Variants in TICRR observed in about 807,000 individuals in gnomAD.
The protein encoded by TICRR is treslin.
TICRR carries 132 observed loss-of-function variants against 178.1 expected under a neutral mutation model. The observed-to-expected ratio is 0.74, with a 90% CI of 0.64 to 0.86. The LOEUF (loss-of-function observed/expected upper bound fraction) is 0.86, where lower values mean the gene tolerates loss of function less well. Ranked by LOEUF, TICRR falls within the 40% of genes least tolerant of loss-of-function variation. TICRR has a pLI of 0.00. For synonymous variants in TICRR, 991 were observed against 900.7 expected (o/e 1.10, Z -1.79); for missense variants, 2,587 against 2,334.3 (o/e 1.11, Z -2.23).
At chr15:89,601,200 G>T (rs1387549994) in intron 9 of TICRR, 98 bp from the exon 10 acceptor site, 6 of 991,308 alleles carry the variant, frequency 6.1e-6, no homozygotes, top group Admixed American at 2.6e-5. Flanking sequence ...CTCCTTTTTG[G>T]TTGTTGTGTC....
chr15:89,582,629 T>G, intron 1 of TICRR, 57 bp from the exon 2 acceptor site: 1 of 1,512,486 alleles, frequency 6.6e-7, no homozygotes, highest in Non-Finnish European at 9.0e-7. Context: ...TTCCTTTACT[T>G]TTATTTGTGA....
intron 2 of TICRR, 35 bp downstream of exon 2, chr15:89,583,000 T>A (rs760008909): frequency 1.8e-5 from 28 of 1,513,638 alleles, no homozygotes; most frequent in Middle Eastern, 1.9e-4. Context: ...TTTTTTTTTT[T>A]AAATCTCAGT....
intron 14 of TICRR, among the ~76,000 whole-genome samples, chr15:89,608,463 G>A (rs1418953774): frequency 2.0e-5 from 3 of 152,098 alleles, no homozygotes; most frequent in Admixed American, 2.0e-4. Flanking sequence ...ATTTATTATG[G>A]TCAACTGATA....
rs763247819 is a variant in TICRR, at chr15:89,619,805, T to C, written c.3117T>C (p.Ser1039=). ...CTGTGTCTCAGCCGAAGTCTCGAAG[T>C]GTGCAAAGAGTCCACTCTTTCCAGC... is the stretch of plus-strand genomic sequence containing the variant. The part of the protein sequence containing the change: ...FYSVSQPKSR[S]VQRVHSFQQD... Residue 1039 remains serine, a synonymous_variant, in exon 18 of 22, where the codon AGT becomes AGC. Coordinates refer to ENST00000268138, the MANE Select transcript of TICRR (RefSeq NM_152259.4). The C allele has an allele frequency of 2.5e-6, 4 of 1,613,738 alleles. No individual in the cohort carries two copies. The highest frequency in any genetic ancestry group is 3.4e-6 in the Non-Finnish European group (4 of 1,179,954).
At position 89,595,202 on chromosome 15, in the gene TICRR, G is replaced by A. The variant is rs74512036; in HGVS notation, c.1682-191G>A. On this transcript the variant is annotated intron_variant, in intron 6 of 21. Coordinates refer to ENST00000268138, the MANE Select transcript of TICRR (RefSeq NM_152259.4). The stretch of plus-strand genomic sequence containing the variant: ...TTGAGATGTTTAGTTCCTAAACTTC[G>A]GTTAAAAGAAAGGTTCTCTTTCTAC... 0.018 allele frequency among the ~76,000 whole-genome samples: 2,746 copies of A among 152,222 alleles called. 76 individuals are homozygous for A. Among genetic ancestry groups the A allele is most frequent in the African/African-American group, 0.059 (2,432 of 41,524 alleles).
chr15:89,602,533 T>C (rs2141966353), intron 12 of TICRR, among the ~76,000 whole-genome samples: 1 of 152,264 alleles, frequency 6.6e-6, no homozygotes, highest in African/African-American at 2.4e-5. Context: ...ACATGAGGTC[T>C]CCAGAAACTA....
At chr15:89,584,779 T>A (rs766004818) in intron 3 of TICRR, among the ~76,000 whole-genome samples, 11 of 152,226 alleles carry the variant, frequency 7.2e-5, no homozygotes, top group Non-Finnish European at 1.5e-5. Context: ...GTTGGCCAGA[T>A]GAAGTGCTTA....
At position 89,623,595 on chromosome 15, in the gene TICRR, G is replaced by A. The variant is rs8029606; in HGVS notation, c.3313-28G>A. The A allele has an allele frequency of 2.2e-4, 349 of 1,573,452 alleles. 4 individuals carry two copies. The African/African-American group carries it at 4.5e-3, about 20-fold the overall frequency. Reference sequence around the variant, plus strand: ...AGAGATCATGAGTTATAATATTCAAGGACTGAAATAAGCATTTCTCTTTTC... The same window carrying A: ...AGAGATCATGAGTTATAATATTCAAAGACTGAAATAAGCATTTCTCTTTTC... On this transcript the variant is annotated intron_variant, in intron 19 of 21. Coordinates refer to ENST00000268138, the MANE Select transcript of TICRR (RefSeq NM_152259.4).
chr15:89,625,188 C>A lies in TICRR; in HGVS notation c.4878C>A (p.Cys1626Ter). ...AACCCACCTATGTGTCACCCCCCTG[C>A]CCCCGCCTCTCCCACAGCACACCTG... ...KPEPTYVSPP[C>*]PRLSHSTPGK... The change falls in exon 20 of 22, where the codon TGC (cysteine) becomes TGA (stop). Residue 1626 changes from cysteine (C) to a stop codon, truncating the protein, a stop_gained. Coordinates refer to ENST00000268138, the MANE Select transcript of TICRR (RefSeq NM_152259.4). LOFTEE classifies it high-confidence loss of function. 6.2e-7 allele frequency: 1 copy of A among 1,613,718 alleles called. No homozygotes were observed. Among genetic ancestry groups the A allele is most frequent in the Non-Finnish European group, 8.5e-7 (1 of 1,179,898 alleles).
intron 1 of TICRR, among the ~76,000 whole-genome samples, chr15:89,579,018 C>A (rs1241132361): frequency 2.0e-5 from 3 of 152,084 alleles, no homozygotes; most frequent in Non-Finnish European, 4.4e-5. Context: ...AGAAACAGAA[C>A]CTGCACTTAC....
At chr15:89,621,982 CTTTTTTTTTTTT>C (rs34123859) in intron 19 of TICRR, among the ~76,000 whole-genome samples, 3 of 87,778 alleles carry the variant, frequency 3.4e-5, no homozygotes, top group African/African-American at 1.4e-4. Context: ...CAAACTGACT[CTTTTTTTTTTTT>C]TTTTTTTTTG....
rs1164729918 is a variant in TICRR, at chr15:89,627,343, C to T, written c.*257C>T. ...ACTCAGGCAGCCTGGGAGTCAGGAA[C>T]CCAGACAAGGAATCCCATTCCAGCC... On this transcript the variant is annotated 3_prime_UTR_variant, in exon 22 of 22. Coordinates refer to ENST00000268138, the MANE Select transcript of TICRR (RefSeq NM_152259.4). 1.2e-5 allele frequency: 5 copies of T among 432,244 alleles called. No homozygotes were observed. The highest frequency in any genetic ancestry group is 7.9e-5 in the African/African-American group (4 of 50,422). 26.8% of individuals were successfully genotyped at this position (432,244 alleles called of 1,614,324 possible). A position where few individuals can be genotyped will look rare whatever the true frequency, so the allele number is the denominator to read the frequency against.
intron 7 of TICRR, among the ~76,000 whole-genome samples, chr15:89,595,849 C>T (rs757312699): frequency 2.6e-5 from 4 of 151,408 alleles, no homozygotes; most frequent in Admixed American, 6.6e-5. Context: ...GGAGACAGAG[C>T]GAGACTCTGT....
At chr15:89,604,036 G>A (rs1209198052) in intron 13 of TICRR, among the ~76,000 whole-genome samples, 2 of 148,956 alleles carry the variant, frequency 1.3e-5, no homozygotes, top group Admixed American at 1.3e-4. Context: ...TTTATTGGTT[G>A]AAAAAAAAAT....
intron 15 of TICRR, among the ~76,000 whole-genome samples, chr15:89,611,464 A>T (rs11073880): frequency 0.56 from 84,893 of 151,886 alleles, 23,920 homozygotes; most frequent in Non-Finnish European, 0.58. Context: ...TGAATCTCTT[A>T]GAGTTTATTC....
intron 7 of TICRR, among the ~76,000 whole-genome samples, chr15:89,597,423 A>G (rs996929648): frequency 4.6e-5 from 7 of 151,694 alleles, no homozygotes; most frequent in African/African-American, 1.7e-4. Context: ...ACTTGGGGTT[A>G]CTGAGTCATG....
At position 89,626,099 on chromosome 15, in the gene TICRR, C is replaced by T. The variant is rs763510704; in HGVS notation, c.5602+38C>T. ...GAAGGTCTAGGACCCTTTCCTGTGA[C>T]AGACTGTCTGAATTCACCAGGGTTG... On this transcript the variant is annotated intron_variant, in intron 21 of 21. Coordinates refer to ENST00000268138, the MANE Select transcript of TICRR (RefSeq NM_152259.4). The T allele has an allele frequency of 9.4e-6, 15 of 1,603,760 alleles. No individual in the cohort carries two copies. The East Asian group carries it at 2.0e-4, about 22-fold the overall frequency.
At chr15:89,608,651 C>T (rs1438607971) in intron 14 of TICRR, 152 bp from the exon 15 acceptor site, 2 of 557,028 alleles carry the variant, frequency 3.6e-6, no homozygotes, top group African/African-American at 2.0e-5. Context: ...TGGGAATATG[C>T]TATTTAAGGA....
intron 15 of TICRR, among the ~76,000 whole-genome samples, chr15:89,610,262 T>C (rs894992189): frequency 3.9e-5 from 6 of 152,178 alleles, no homozygotes; most frequent in African/African-American, 1.4e-4. Context: ...TGTTTCCTTG[T>C]TGAGCTTCTG....
Sources: gnomAD v4.1 joint callset for allele counts (sites outside exome capture counted in the v4.1 genomes callset) on GRCh38, gnomAD v4.1.1 for gene constraint, MANE v1.5 for transcripts, NCBI Gene and HGNC (gene_info 2026-07-23, HGNC 2026-07-21) for gene names.